Variants in GLS observed in about 807,000 individuals in gnomAD.
GLS encodes the protein glutaminase kidney isoform, mitochondrial.
GLS carries 36 observed loss-of-function variants against 86.7 expected under a neutral mutation model. That is an observed-to-expected ratio of 0.42 (90% CI 0.32 to 0.55). The LOEUF (loss-of-function observed/expected upper bound fraction) is 0.55. Ranked by LOEUF, GLS falls within the 20% of genes least tolerant of loss-of-function variation. GLS has a pLI of 0.17. For synonymous variants in GLS, 317 were observed against 305.9 expected (o/e 1.04, Z -0.38); for missense variants, 528 against 833.4 (o/e 0.63, Z 4.51).
chr2:190,934,402 T>C, intron 14 of GLS: 2 of 949,376 alleles, frequency 2.1e-6, no homozygotes, highest in Middle Eastern at 1.1e-3. Flanking sequence ...ATTTATATAT[T>C]TAAATAATTA....
Position 190,921,280 on chromosome 2 carries a change from G to A in GLS, c.1130+77G>A. On this transcript the variant is annotated intron_variant, in intron 9 of 17. Transcript: ENST00000320717. This position sits in a 1 kb window ranked among gnomAD's most constrained non-coding sequence, Gnocchi z 4.2. Reference sequence around the variant, plus strand: ...GAATTGATCCACTCTCTTTTCATTGGAGGGAAATGAATGATTTCTAAATTA... The same window carrying A: ...GAATTGATCCACTCTCTTTTCATTGAAGGGAAATGAATGATTTCTAAATTA... 1 of 958,018 alleles carries A rather than the reference G, an allele frequency of 1.0e-6. No homozygotes were observed. Among genetic ancestry groups the A allele is most frequent in the South Asian group, 1.4e-5 (1 of 74,062 alleles). 59.3% of individuals were successfully genotyped at this position (958,018 alleles called of 1,614,324 possible).
rs776085220 is a variant in GLS, at chr2:190,931,557, C to G, written c.1570C>G (p.Leu524Val). 3.3e-6 allele frequency: 5 copies of G among 1,529,024 alleles called. No homozygotes were observed. The highest frequency in any genetic ancestry group is 4.5e-6 in the Non-Finnish European group (5 of 1,106,608). The allele number at this position is 1,529,024 out of a possible 1,614,324, so 94.7% of individuals were successfully genotyped here. A position where few individuals can be genotyped will look rare whatever the true frequency, so the allele number is the denominator to read the frequency against. ...TAACTGTTTACAGGATCTTGTTTCTCTGTGTAATTTCCATAACTATGATAA... is the reference window on the plus strand; with the variant it reads ...TAACTGTTTACAGGATCTTGTTTCTGTGTGTAATTTCCATAACTATGATAA... ...GIHFCHDLVS[L>V]CNFHNYDNLR... is the part of the protein sequence containing the mutation. Residue 524 changes from leucine to valine, a missense_variant, in exon 14 of 18, where the codon CTG becomes GTG. Around this residue, in one of 4 missense-constraint regions of GLS, gnomAD observed 163 missense variants for 429.2 expected, o/e 0.38. Transcript: ENST00000320717.
chr2:190,934,667 A>AT, intron 14 of GLS: 1 of 980,024 alleles, frequency 1.0e-6, no homozygotes, highest in Non-Finnish European at 1.2e-6. Flanking sequence ...GTTTTACTTT[A>AT]TTAAATGAAG....
At chr2:190,881,871 C>T (rs1308149862) in intron 1 of GLS, 1 of 170,188 alleles carries the variant, frequency 5.9e-6, no homozygotes, top group African/African-American at 2.4e-5. Flanking sequence ...AACATCTCCA[C>T]CGAGTGACAT....
At chr2:190,932,147 T>G (rs1222767845) in intron 14 of GLS, among the ~76,000 whole-genome samples, 1 of 152,028 alleles carries the variant, frequency 6.6e-6, no homozygotes, top group Non-Finnish European at 1.5e-5. Flanking sequence ...TCACTGTAGA[T>G]GAAATATTTT....
rs542267850 is a variant in GLS, at chr2:190,949,197, G to A, written c.1651-4368G>A. On this transcript the variant is annotated intron_variant, in intron 14 of 17. Transcript: ENST00000320717. This position sits in a 1 kb window ranked among gnomAD's most constrained non-coding sequence, Gnocchi z 4.0. ...CTGGACTGAAGAACCTTGAATACAA[G>A]GCTGAAGAACTTAAATGTTATCAGG... Among the ~76,000 whole-genome samples the A allele has an allele frequency of 1.3e-5, 2 of 152,222 alleles. No individual in the cohort carries two copies. The highest frequency in any genetic ancestry group is 3.9e-4 in the East Asian group (2 of 5,192).
At chr2:190,889,719 A>G (rs1688502061) in intron 1 of GLS, among the ~76,000 whole-genome samples, 1 of 152,036 alleles carries the variant, frequency 6.6e-6, no homozygotes, top group Non-Finnish European at 1.5e-5. Flanking sequence ...TTTGGGTCAA[A>G]CTTCTGAAGT....
chr2:190,933,988 A>T, intron 14 of GLS: 2 of 950,986 alleles, frequency 2.1e-6, no homozygotes, highest in Non-Finnish European at 2.5e-6. Flanking sequence ...ACACAACCTG[A>T]TTTCAAGTAA....
At chr2:190,927,147 T>G in intron 11 of GLS, 159 bp from the exon 12 acceptor site, 1 of 617,140 alleles carries the variant, frequency 1.6e-6, no homozygotes, top group Non-Finnish European at 2.6e-6. Flanking sequence ...AGGACTTCGG[T>G]CAACTAAAAT....
chr2:190,957,509 G>GT (rs999695771), intron 17 of GLS, among the ~76,000 whole-genome samples: 3 of 152,178 alleles, frequency 2.0e-5, no homozygotes, highest in Non-Finnish European at 4.4e-5. Context: ...AATGCTTCCA[G>GT]TTTTTTGCCC....
At position 190,951,109 on chromosome 2, in the gene GLS, AAAAC is replaced by A. The variant is rs1263925434; in HGVS notation, c.1651-2453_1651-2450del. Among the ~76,000 whole-genome samples the A allele has an allele frequency of 6.6e-6, 1 of 152,180 alleles. No homozygotes were observed. The highest frequency in any genetic ancestry group is 1.9e-4 in the East Asian group (1 of 5,188). On this transcript the variant is annotated intron_variant, in intron 14 of 17. Coordinates refer to ENST00000320717, the MANE Select transcript of GLS (RefSeq NM_014905.5). The surrounding 1 kb of genome is among the most constrained non-coding windows in gnomAD (Gnocchi z 4.2). ...AATTCTTTGAGGGACATTATATTGA[AAAAC>A]AAGAAGATTGGACTGCCTTGGGAGT...
chr2:190,898,193 A>C (rs1688812894), intron 3 of GLS, among the ~76,000 whole-genome samples: 1 of 152,188 alleles, frequency 6.6e-6, no homozygotes, highest in African/African-American at 2.4e-5. Flanking sequence ...ATTTTCTTAA[A>C]AATTTCATAT....
chr2:190,924,723 T>G lies in GLS; in HGVS notation c.1248+130T>G. 1.6e-6 allele frequency: 1 copy of G among 619,194 alleles called. No homozygotes were observed. Among genetic ancestry groups the G allele is most frequent in the Non-Finnish European group, 2.9e-6 (1 of 339,064 alleles). The allele number at this position is 619,194 out of a possible 1,614,324, so 38.4% of individuals were successfully genotyped here. A position where few individuals can be genotyped will look rare whatever the true frequency, so the allele number is the denominator to read the frequency against. The stretch of plus-strand genomic sequence containing the variant: ...TGAGGTCAAGAGATAGAGGTCATCC[T>G]GGCCAACATGGTGAAACCCCATCTC... On this transcript the variant is annotated intron_variant, in intron 11 of 17. Coordinates refer to ENST00000320717, the MANE Select transcript of GLS (RefSeq NM_014905.5). The surrounding 1 kb of genome is among the most constrained non-coding windows in gnomAD (Gnocchi z 5.2).
intron 6 of GLS, among the ~76,000 whole-genome samples, chr2:190,907,865 A>G (rs1689214621): frequency 6.6e-6 from 1 of 152,236 alleles, no homozygotes; most frequent in African/African-American, 2.4e-5. Context: ...GAGAAGACAT[A>G]CTTAAGCATT....
intron 3 of GLS, among the ~76,000 whole-genome samples, chr2:190,898,913 C>A (rs1315007017): frequency 6.6e-6 from 1 of 152,202 alleles, no homozygotes; most frequent in East Asian, 1.9e-4. Context: ...TAGGCGTGAG[C>A]CACCGTGCCT....
chr2:190,927,085 A>G (rs1574601380), intron 11 of GLS: 2 of 447,432 alleles, frequency 4.5e-6, no homozygotes, highest in Non-Finnish European at 7.9e-6. Flanking sequence ...TAGTTCTGCC[A>G]TTAAAAGACT....
intron 6 of GLS, among the ~76,000 whole-genome samples, 181 bp from the exon 7 acceptor site, chr2:190,910,082 C>T (rs934932378): frequency 2.0e-5 from 3 of 151,976 alleles, no homozygotes; most frequent in Non-Finnish European, 4.4e-5. Flanking sequence ...ATGTAAATCA[C>T]TTGTTTGTGT....
rs1221004732 is a variant in GLS at position 190,914,162 on chromosome 2, AT to A, written c.1038+3846del. Among the ~76,000 whole-genome samples, 1 of 152,166 alleles carries A rather than the reference AT, an allele frequency of 6.6e-6. No homozygotes were observed. The highest frequency in any genetic ancestry group is 1.5e-5 in the Non-Finnish European group (1 of 68,018). ...TTCAATTTTCTTTTTAATCAAAAGT[AT>A]TTTTGAATTTTAAAAATTAGGGTTT... On this transcript the variant is annotated intron_variant, in intron 7 of 17. Transcript: ENST00000320717. The surrounding 1 kb of genome is among the most constrained non-coding windows in gnomAD (Gnocchi z 4.4).
intron 7 of GLS, among the ~76,000 whole-genome samples, chr2:190,911,106 T>C (rs1689344568): frequency 6.6e-6 from 1 of 151,420 alleles, no homozygotes; most frequent in Admixed American, 6.6e-5. Flanking sequence ...AAATAAATTT[T>C]ATTTATGTTT....
Sources: allele counts gnomAD v4.1 joint callset (sites outside exome capture counted in the v4.1 genomes callset), GRCh38; gene constraint gnomAD v4.1.1; regional missense constraint gnomAD v4.1.1; non-coding constraint Gnocchi (gnomAD v3.1); transcripts MANE v1.5; gene names NCBI Gene and HGNC (gene_info 2026-07-23, HGNC 2026-07-21).